GUCY1A2: variants seen among roughly 807,000 people sequenced by gnomAD.
The protein encoded by GUCY1A2 is guanylate cyclase soluble subunit alpha-2.
In GUCY1A2, 27 loss-of-function variants were observed where a neutral mutation model predicts 63.5. The ratio of observed to expected loss-of-function variants is 0.43; its 90% confidence interval spans 0.31 to 0.59. The LOEUF (loss-of-function observed/expected upper bound fraction) is 0.59. GUCY1A2 is among the 20% of genes least tolerant of loss of function. The pLI is 0.11. For missense variants in GUCY1A2, 768 were observed against 913.3 expected, an observed-to-expected ratio of 0.84 and a Z score of 2.05; for synonymous variants, 364 against 343.5, an observed-to-expected ratio of 1.06 and a Z score of -0.66.
intron 4 of GUCY1A2, among the ~76,000 whole-genome samples, chr11:106,859,300 GA>G (rs147347955): frequency 3.3e-5 from 5 of 151,572 alleles, no homozygotes; most frequent in African/African-American, 1.2e-4. Context: ...GAACTTCCCT[GA>G]AAAAACAGTA....
chr11:106,822,833 T>C (rs1858920713), intron 4 of GUCY1A2, among the ~76,000 whole-genome samples: 1 of 152,196 alleles, frequency 6.6e-6, no homozygotes, highest in African/African-American at 2.4e-5. Context: ...AAAAAGACAT[T>C]TGAATATCAC....
At chr11:106,721,656 A>C (rs1434207892) in intron 6 of GUCY1A2, among the ~76,000 whole-genome samples, 1 of 152,196 alleles carries the variant, frequency 6.6e-6, no homozygotes, top group Non-Finnish European at 1.5e-5. Flanking sequence ...TCTCAACTGG[A>C]GAAGTGTCTT....
chr11:106,911,772 T>C (rs1049440465), intron 4 of GUCY1A2, among the ~76,000 whole-genome samples: 1 of 152,044 alleles, frequency 6.6e-6, no homozygotes, highest in Non-Finnish European at 1.5e-5. Context: ...AAGCAAACTA[T>C]TGAAAACTAT....
At chr11:106,965,765 A>T (rs939935534) in intron 3 of GUCY1A2, among the ~76,000 whole-genome samples, 1 of 152,142 alleles carries the variant, frequency 6.6e-6, no homozygotes, top group Non-Finnish European at 1.5e-5. Context: ...GGGATGATGA[A>T]CACCACTCGG....
chr11:106,852,386 C>T (rs1263300401), intron 4 of GUCY1A2, among the ~76,000 whole-genome samples: 1 of 152,014 alleles, frequency 6.6e-6, no homozygotes, highest in Non-Finnish European at 1.5e-5. Context: ...TTTGCCTTGT[C>T]TCAGTTCTTA....
chr11:106,789,243 C>T (rs1565290381), intron 5 of GUCY1A2, among the ~76,000 whole-genome samples: 1 of 152,142 alleles, frequency 6.6e-6, no homozygotes, highest in African/African-American at 2.4e-5. Context: ...CTAATTCTTT[C>T]TTCGGCTTGA....
chr11:106,739,181 T>C (rs1863644676), intron 6 of GUCY1A2, among the ~76,000 whole-genome samples: 1 of 152,212 alleles, frequency 6.6e-6, no homozygotes, highest in East Asian at 1.9e-4. Flanking sequence ...ACTCATGATT[T>C]GGCTCGCTGT....
At chr11:106,922,694 T>TGTACTAC (rs1860464456) in intron 4 of GUCY1A2, among the ~76,000 whole-genome samples, 1 of 17,218 alleles carries the variant, frequency 5.8e-5, no homozygotes. Context: ...TATATATATA[T>TGTACTAC]ATATATATAT....
intron 6 of GUCY1A2, among the ~76,000 whole-genome samples, chr11:106,713,522 T>G (rs923204410): frequency 1.0e-5 from 1 of 97,304 alleles, no homozygotes; most frequent in Admixed American, 1.1e-4. Flanking sequence ...TTTTTTTTTT[T>G]TTGAGACGGA....
At position 106,773,755 on chromosome 11, in the gene GUCY1A2, A is replaced by C. The variant is rs1288290888; in HGVS notation, c.1836+2684T>G. The stretch of plus-strand genomic sequence containing the variant: ...GTTGTAAATTTCTATTAATTTGATT[A>C]CTGACAAGGTTAACTAGATACTTAT... On this transcript the variant is annotated intron_variant, in intron 6 of 7. Coordinates refer to ENST00000526355, the MANE Select transcript of GUCY1A2 (RefSeq NM_000855.3). Among the ~76,000 whole-genome samples the C allele has an allele frequency of 5.3e-5, 8 of 152,216 alleles. 1 individual carries two copies.
intron 4 of GUCY1A2, among the ~76,000 whole-genome samples, chr11:106,828,727 T>G (rs1385349705): frequency 6.6e-6 from 1 of 152,158 alleles, no homozygotes; most frequent in East Asian, 1.9e-4. Flanking sequence ...CCTCTTGACC[T>G]ACACAGCCCA....
chr11:107,009,955 A>G (rs1861721483), intron 1 of GUCY1A2, among the ~76,000 whole-genome samples: 1 of 152,160 alleles, frequency 6.6e-6, no homozygotes, highest in African/African-American at 2.4e-5. Context: ...GAACTATCCA[A>G]CCAGATCCTC....
At chr11:106,856,928 A>G (rs1859444556) in intron 4 of GUCY1A2, among the ~76,000 whole-genome samples, 2 of 152,212 alleles carry the variant, frequency 1.3e-5, no homozygotes, top group Non-Finnish European at 2.9e-5. Flanking sequence ...ACTAGTCCCC[A>G]TAGTGCTTTT....
intron 3 of GUCY1A2, among the ~76,000 whole-genome samples, chr11:106,976,463 A>G (rs1861263808): frequency 6.6e-6 from 1 of 152,196 alleles, no homozygotes; most frequent in Admixed American, 6.5e-5. Flanking sequence ...GCCAAGATTA[A>G]TCATAGCTCA....
intron 5 of GUCY1A2, among the ~76,000 whole-genome samples, chr11:106,791,372 A>C (rs891603194): frequency 6.6e-6 from 1 of 152,238 alleles, no homozygotes; most frequent in African/African-American, 2.4e-5. Context: ...TAGTGTCAAC[A>C]ATTGAGGACT....
intron 4 of GUCY1A2, among the ~76,000 whole-genome samples, chr11:106,901,475 T>C (rs1182969937): frequency 6.6e-6 from 1 of 152,182 alleles, no homozygotes; most frequent in Non-Finnish European, 1.5e-5. Flanking sequence ...ATGATGAAAC[T>C]TTTCCAGAAG....
intron 1 of GUCY1A2, 51 bp downstream of exon 1, chr11:107,017,702 G>A (rs1427641821): frequency 6.1e-6 from 7 of 1,151,992 alleles, no homozygotes; most frequent in East Asian, 3.2e-5. Flanking sequence ...CAACTTTACA[G>A]ATCCGCGTTC....
At chr11:106,820,063 G>T (rs1204632266) in intron 4 of GUCY1A2, among the ~76,000 whole-genome samples, 1 of 152,068 alleles carries the variant, frequency 6.6e-6, no homozygotes, top group African/African-American at 2.4e-5. Flanking sequence ...TAATGTAGAA[G>T]AAGTTTGTTT....
In GUCY1A2 at chr11:107,018,213, G is replaced by T; in HGVS notation, c.-158C>A. 4.8e-6 allele frequency: 1 copy of T among 210,086 alleles called. No individual in the cohort carries two copies. 13.0% of individuals were successfully genotyped at this position (210,086 alleles called of 1,614,324 possible). A position where few individuals can be genotyped will look rare whatever the true frequency, so the allele number is the denominator to read the frequency against. On this transcript the variant is annotated 5_prime_UTR_variant, in exon 1 of 8. Coordinates refer to ENST00000526355, the MANE Select transcript of GUCY1A2 (RefSeq NM_000855.3). ...CGGGGCGGGAGTCCCCGGGGCCGCG[G>T]AGCCCCCCGAGCCGGCTGCTCATGG...
Sources: allele counts gnomAD v4.1 joint callset (sites outside exome capture counted in the v4.1 genomes callset), GRCh38; gene constraint gnomAD v4.1.1; transcripts MANE v1.5; gene names NCBI Gene and HGNC (gene_info 2026-07-23, HGNC 2026-07-21).